COL5A1: variants seen among roughly 807,000 people sequenced by gnomAD.
The protein encoded by COL5A1 is collagen alpha-1(V) chain.
A neutral mutation model predicts 263.7 loss-of-function variants in COL5A1; 16 were observed. The observed-to-expected ratio is 0.06, with a 90% CI of 0.04 to 0.09. COL5A1 has a LOEUF of 0.09. COL5A1 is among the 10% of genes least tolerant of loss of function. The pLI is 1.00. For missense variants in COL5A1, 2,036 were observed against 2,540.5 expected (o/e 0.80, Z 4.27); for synonymous variants, 1,012 against 1,004.5 (o/e 1.01, Z -0.14).
chr9:134,826,484 A>C (rs1219836161), intron 63 of COL5A1, among the ~76,000 whole-genome samples: 1 of 152,176 alleles, frequency 6.6e-6, no homozygotes, highest in Non-Finnish European at 1.5e-5. Context: ...TCAGCGCTGT[A>C]GCAGGAGTTT....
chr9:134,692,739 T>C (rs1397662770), intron 2 of COL5A1, among the ~76,000 whole-genome samples: 1 of 152,164 alleles, frequency 6.6e-6, no homozygotes, highest in African/African-American at 2.4e-5. Context: ...TGGCCAGAAA[T>C]ATTACAGTAT....
At chr9:134,761,089 A>T (rs1234119863) in intron 18 of COL5A1, among the ~76,000 whole-genome samples, 1 of 140,362 alleles carries the variant, frequency 7.1e-6, no homozygotes, top group Non-Finnish European at 1.5e-5. Flanking sequence ...ACACGTGCAC[A>T]CACCCCACAC....
At chr9:134,671,445 C>T (rs1436885965) in intron 1 of COL5A1, among the ~76,000 whole-genome samples, 3 of 152,182 alleles carry the variant, frequency 2.0e-5, no homozygotes, top group South Asian at 2.1e-4. Context: ...GCAAAGCTCT[C>T]GTAATTGAAA....
intron 1 of COL5A1, among the ~76,000 whole-genome samples, chr9:134,653,667 G>A (rs1831774476): frequency 6.6e-6 from 1 of 152,168 alleles, no homozygotes; most frequent in South Asian, 2.1e-4. Context: ...CAGGTTTATA[G>A]GGCTGGGGAT....
At chr9:134,721,652 G>A (rs953886449) in intron 4 of COL5A1, among the ~76,000 whole-genome samples, 1 of 152,234 alleles carries the variant, frequency 6.6e-6, no homozygotes, top group Non-Finnish European at 1.5e-5. Context: ...CCCAGTCCTT[G>A]TGGGGGTGCA....
intron 12 of COL5A1, 26 bp downstream of exon 12, chr9:134,750,642 G>A: frequency 6.2e-7 from 1 of 1,611,576 alleles, no homozygotes; most frequent in Admixed American, 1.7e-5. Flanking sequence ...AGTCGGAGGT[G>A]GGGAGGCAGC....
rs984783843 is a variant in COL5A1, at chr9:134,822,871, T to C, written c.4609-127T>C. ...CACTCTAGCCGGGCAAATACAAGCA[T>C]AGACTCTTGAGGGGGATGCGGGTGG... On this transcript the variant is annotated intron_variant, in intron 59 of 65. Transcript: ENST00000371817. 19 of 1,070,048 alleles carry C rather than the reference T, an allele frequency of 1.8e-5. No individual in the cohort carries two copies. In the Admixed American group the frequency reaches 3.6e-4, roughly 20 times the overall value. 66.3% of individuals were successfully genotyped at this position (1,070,048 alleles called of 1,614,324 possible).
At chr9:134,746,037 C>G (rs914522217) in intron 11 of COL5A1, among the ~76,000 whole-genome samples, 1 of 152,210 alleles carries the variant, frequency 6.6e-6, no homozygotes, top group Non-Finnish European at 1.5e-5. Flanking sequence ...AAGATCCTCA[C>G]TCCCATCCTC....
chr9:134,760,919 ACG>A (rs1836396552), intron 18 of COL5A1, among the ~76,000 whole-genome samples: 3 of 144,276 alleles, frequency 2.1e-5, no homozygotes, highest in East Asian at 2.1e-4. Flanking sequence ...GCACACACAC[ACG>A]TACACACATG....
chr9:134,788,118 T>TAAGTAGACA (rs1837529496), intron 31 of COL5A1, among the ~76,000 whole-genome samples: 1 of 150,378 alleles, frequency 6.6e-6, no homozygotes, highest in African/African-American at 2.5e-5. Context: ...GGTGGGCAGG[T>TAAGTAGACA]GGGGTAGATA....
intron 4 of COL5A1, among the ~76,000 whole-genome samples, chr9:134,703,885 C>T (rs1218924461): frequency 1.3e-5 from 2 of 151,922 alleles, no homozygotes; most frequent in African/African-American, 2.4e-5. Context: ...GTGATCCGCC[C>T]GCCTCGGCCT....
chr9:134,822,846 C>T, intron 59 of COL5A1, 152 bp from the exon 60 acceptor site: 1 of 907,624 alleles, frequency 1.1e-6, no homozygotes. Context: ...ACCCTCCTCC[C>T]ACTCTAGCCG....
At chr9:134,745,017 G>A (rs554067267) in intron 11 of COL5A1, among the ~76,000 whole-genome samples, 11 of 152,194 alleles carry the variant, frequency 7.2e-5, no homozygotes, top group African/African-American at 2.7e-4. Flanking sequence ...TTGTGTGCCC[G>A]AATCCCCAGC....
chr9:134,809,265 G>A lies in COL5A1; in HGVS notation c.3449G>A (p.Gly1150Asp). 1 of 1,609,094 alleles carries A rather than the reference G, an allele frequency of 6.2e-7. No individual in the cohort carries two copies. Residue 1150 changes from glycine to aspartate, a missense_variant, in exon 43 of 66, where the codon GGT becomes GAT. Around this residue, in one of 3 missense-constraint regions of COL5A1, gnomAD observed 1,078 missense variants for 1,521.4 expected, o/e 0.71. Transcript: ENST00000371817. Reference sequence around the variant, plus strand: ...CTCCCGGGTCCAGCTGGCCCTGTGGGTCCCCCTGGAGAAGACGGAGATAAG... The same window carrying A: ...CTCCCGGGTCCAGCTGGCCCTGTGGATCCCCCTGGAGAAGACGGAGATAAG... ...VGLPGPAGPV[G>D]PPGEDGDKGE...
At position 134,754,422 on chromosome 9, in the gene COL5A1, C is replaced by A; in HGVS notation, c.1827+96C>A. 7.2e-7 allele frequency: 1 copy of A among 1,387,290 alleles called. No individual in the cohort carries two copies. The highest frequency in any genetic ancestry group is 1.0e-6 in the Non-Finnish European group (1 of 975,826). 85.9% of individuals were successfully genotyped at this position (1,387,290 alleles called of 1,614,324 possible). Reference sequence around the variant, plus strand: ...GGGCACCCCCAACAGCCAGCTGGGCCACATGAAGCCAGGTGGCTCCCCTTC... The same window carrying A: ...GGGCACCCCCAACAGCCAGCTGGGCAACATGAAGCCAGGTGGCTCCCCTTC... On this transcript the variant is annotated intron_variant, in intron 16 of 65. Coordinates refer to ENST00000371817, the MANE Select transcript of COL5A1 (RefSeq NM_000093.5). This position sits in a 1 kb window ranked among gnomAD's most constrained non-coding sequence, Gnocchi z 4.3.
chr9:134,768,584 T>A, intron 25 of COL5A1, 121 bp downstream of exon 25: 1 of 1,011,848 alleles, frequency 9.9e-7, no homozygotes, highest in Non-Finnish European at 1.5e-6. Context: ...CTGGCTCTGT[T>A]GATGAAGACC....
chr9:134,713,577 G>A (rs150446549), intron 4 of COL5A1, among the ~76,000 whole-genome samples: 8 of 152,358 alleles, frequency 5.3e-5, no homozygotes, highest in Admixed American at 3.9e-4. Context: ...CAGGATAAAC[G>A]TGAGCTTCTG....
At chr9:134,748,087 GCACAGACATGCATCCACACATGCATACA>G (rs767875295) in intron 11 of COL5A1, among the ~76,000 whole-genome samples, 1 of 143,152 alleles carries the variant, frequency 7.0e-6, no homozygotes, top group Non-Finnish European at 1.5e-5. Context: ...AAACATGCAT[GCACAGACATGCATCCACACATGCATACA>G]CAGACATGCA....
chr9:134,652,786 G>A lies in COL5A1; in HGVS notation c.109+10490G>A, dbSNP rs1407769164. ...GCCGGGTCCAGCGTTTCTCCTCATG[G>A]TGTAGACCAGCAGTTCCCAAACTTT... On this transcript the variant is annotated intron_variant, in intron 1 of 65. Transcript: ENST00000371817. This position sits in a 1 kb window ranked among gnomAD's most constrained non-coding sequence, Gnocchi z 4.4. 2.6e-5 allele frequency: 12 copies of A among 467,124 alleles called. No individual in the cohort carries two copies. Among genetic ancestry groups the A allele is most frequent in the South Asian group, 6.2e-5 (4 of 64,192 alleles). The allele number at this position is 467,124 out of a possible 1,614,324, so 28.9% of individuals were successfully genotyped here.
Sources: allele counts gnomAD v4.1 joint callset (sites outside exome capture counted in the v4.1 genomes callset), GRCh38; gene constraint gnomAD v4.1.1; regional missense constraint gnomAD v4.1.1; non-coding constraint Gnocchi (gnomAD v3.1); transcripts MANE v1.5; gene names NCBI Gene and HGNC (gene_info 2026-07-23, HGNC 2026-07-21).